The following CTIF variants were observed in gnomAD, a reference collection of about 807,000 sequenced individuals.
CTIF encodes the protein CBP80/20-dependent translation initiation factor.
In CTIF, 21 loss-of-function variants were observed where a neutral mutation model predicts 66.0. The ratio of observed to expected loss-of-function variants is 0.32; its 90% CI spans 0.23 to 0.46. CTIF has a LOEUF of 0.46. Among genes scored for constraint, CTIF ranks in the 20% least tolerant of loss-of-function variants. The probability of loss-of-function intolerance (pLI) is 1.00; values close to 1 mark genes in which losing one functional copy is unlikely to be tolerated. For synonymous variants in CTIF, 345 were observed against 326.4 expected (o/e 1.06, Z -0.62); for missense variants, 739 against 812.7 (o/e 0.91, Z 1.10).
intron 7 of CTIF, among the ~76,000 whole-genome samples, chr18:48,728,437 A>T (rs1346403383): frequency 1.3e-5 from 2 of 152,234 alleles, no homozygotes; most frequent in Admixed American, 1.3e-4. Flanking sequence ...AGCAGCTTAA[A>T]ATAAGCACTT....
intron 10 of CTIF, among the ~76,000 whole-genome samples, chr18:48,819,405 G>T (rs952481912): frequency 5.3e-5 from 8 of 152,234 alleles, no homozygotes; most frequent in Non-Finnish European, 8.8e-5. Flanking sequence ...CTGTTCTAGG[G>T]CAGTGACCTG....
intron 9 of CTIF, among the ~76,000 whole-genome samples, chr18:48,799,860 C>A (rs538942982): frequency 6.6e-6 from 1 of 152,336 alleles, no homozygotes; most frequent in East Asian, 1.9e-4. Context: ...TCTGCCCTTG[C>A]AGAACTTGCA....
chr18:48,605,329 T>C (rs1322153990), intron 1 of CTIF, among the ~76,000 whole-genome samples: 1 of 152,210 alleles, frequency 6.6e-6, no homozygotes, highest in Non-Finnish European at 1.5e-5. Context: ...CTTCTAAGCT[T>C]CTAGGATTCT....
intron 3 of CTIF, among the ~76,000 whole-genome samples, chr18:48,656,630 C>T (rs1487371495): frequency 6.6e-6 from 1 of 152,206 alleles, no homozygotes; most frequent in African/African-American, 2.4e-5. Flanking sequence ...TGCTCATTAT[C>T]CCTCTGTGAT....
chr18:48,730,960 C>G (rs1285468244), intron 7 of CTIF, among the ~76,000 whole-genome samples: 1 of 152,082 alleles, frequency 6.6e-6, no homozygotes. Context: ...TCTGGGGAAA[C>G]TCTCCCAGCC....
intron 10 of CTIF, among the ~76,000 whole-genome samples, chr18:48,830,272 T>C (rs1599123914): frequency 6.6e-6 from 1 of 152,208 alleles, no homozygotes; most frequent in Non-Finnish European, 1.5e-5. Flanking sequence ...TCAAGGATTC[T>C]CCTGCCTCAG....
At chr18:48,571,893 G>C (rs1474813823) in intron 1 of CTIF, among the ~76,000 whole-genome samples, 1 of 152,168 alleles carries the variant, frequency 6.6e-6, no homozygotes, top group African/African-American at 2.4e-5. Context: ...GTGAGAGCTG[G>C]CAAGTCTGAG....
intron 9 of CTIF, among the ~76,000 whole-genome samples, chr18:48,793,606 G>A (rs2067842356): frequency 6.6e-6 from 1 of 152,162 alleles, no homozygotes. Flanking sequence ...ATGCTGGGTG[G>A]CCACAGGCTC....
chr18:48,689,099 A>G (rs2091887553), intron 6 of CTIF, among the ~76,000 whole-genome samples: 1 of 152,214 alleles, frequency 6.6e-6, no homozygotes, highest in African/African-American at 2.4e-5. Context: ...GCCTTCAGAC[A>G]CACCCTGGAG....
In CTIF at chr18:48,543,362, GC is replaced by G. The variant is rs1174372797; in HGVS notation, c.-29+4051del. ...AGCCCCATTTGATGTCCTTGGCTTG[GC>G]AGGGGGAGGGGGCGTCTACCTCTGG... On this transcript the variant is annotated intron_variant, in intron 1 of 11. Coordinates refer to ENST00000256413, the MANE Select transcript of CTIF (RefSeq NM_014772.3). 2.0e-5 allele frequency among the ~76,000 whole-genome samples: 3 copies of G among 152,180 alleles called. No homozygotes were observed. In the East Asian group the frequency reaches 5.8e-4, roughly 29 times the overall value.
At position 48,769,992 on chromosome 18, in the gene CTIF, G is replaced by A. The variant is rs192297444; in HGVS notation, c.1371+8303G>A. Among the ~76,000 whole-genome samples, 169 of 152,320 alleles carry A rather than the reference G, an allele frequency of 1.1e-3. 1 individual carries two copies. Among genetic ancestry groups the A allele is most frequent in the African/African-American group, 3.9e-3 (162 of 41,566 alleles). On this transcript the variant is annotated intron_variant, in intron 9 of 11. Transcript: ENST00000256413. The stretch of plus-strand genomic sequence containing the variant: ...CCTGACTGTTCAGTTTGGGTGGGGC[G>A]GGGGAACATGTGGCTTCCAGGAGTG...
chr18:48,581,271 T>C (rs1338107446), intron 1 of CTIF, among the ~76,000 whole-genome samples: 1 of 152,188 alleles, frequency 6.6e-6, no homozygotes, highest in Non-Finnish European at 1.5e-5. Flanking sequence ...ACGTACCACG[T>C]CCCAGCATGA....
intron 10 of CTIF, among the ~76,000 whole-genome samples, chr18:48,842,255 A>G (rs2068962351): frequency 6.6e-6 from 1 of 152,252 alleles, no homozygotes; most frequent in Non-Finnish European, 1.5e-5. Flanking sequence ...GTCAGGCCTC[A>G]TGGGACTGAG....
Position 48,792,999 on chromosome 18 carries a change from A to G in CTIF, c.1372-24222A>G, listed in dbSNP as rs369033695. Among the ~76,000 whole-genome samples the G allele has an allele frequency of 5.3e-5, 8 of 152,302 alleles. No homozygotes were observed. The East Asian group carries it at 7.7e-4, about 15-fold the overall frequency. On this transcript the variant is annotated intron_variant, in intron 9 of 11. Coordinates refer to ENST00000256413, the MANE Select transcript of CTIF (RefSeq NM_014772.3). Reference sequence around the variant, plus strand: ...ATTTAAAACCATGAGACAGGATGCCATCTCCAGAGGATGAGGATCTATGGT... The same window carrying G: ...ATTTAAAACCATGAGACAGGATGCCGTCTCCAGAGGATGAGGATCTATGGT...
intron 6 of CTIF, among the ~76,000 whole-genome samples, chr18:48,690,118 C>T (rs2091904281): frequency 6.6e-6 from 1 of 152,128 alleles, no homozygotes. Context: ...GTCTTCTTTG[C>T]CATTGTGTTT....
intron 7 of CTIF, among the ~76,000 whole-genome samples, chr18:48,734,374 T>C (rs2145692754): frequency 6.6e-6 from 1 of 152,312 alleles, no homozygotes; most frequent in African/African-American, 2.4e-5. Flanking sequence ...AAGACAGGCT[T>C]GGCCAACATG....
chr18:48,749,994 G>A (rs1907651078), intron 7 of CTIF, among the ~76,000 whole-genome samples: 1 of 152,240 alleles, frequency 6.6e-6, no homozygotes, highest in Non-Finnish European at 1.5e-5. Context: ...GCAGCCGCGT[G>A]CTCTTCCCAT....
chr18:48,636,990 T>G (rs2144630864), intron 3 of CTIF, among the ~76,000 whole-genome samples: 1 of 152,272 alleles, frequency 6.6e-6, no homozygotes, highest in East Asian at 1.9e-4. Flanking sequence ...TTGGGATCCA[T>G]CCTTACAGTG....
chr18:48,611,199 T>C (rs2090302050), intron 1 of CTIF, among the ~76,000 whole-genome samples: 1 of 152,224 alleles, frequency 6.6e-6, no homozygotes, highest in African/African-American at 2.4e-5. Context: ...GCAGGCAGCA[T>C]AGATATCAGG....
Sources: gnomAD v4.1 joint callset for allele counts (sites outside exome capture counted in the v4.1 genomes callset) on GRCh38, gnomAD v4.1.1 for gene constraint, MANE v1.5 for transcripts, NCBI Gene and HGNC (gene_info 2026-07-23, HGNC 2026-07-21) for gene names.